The following CTNNA2 variants were observed in gnomAD, a reference collection of about 807,000 sequenced individuals.
CTNNA2 encodes catenin alpha-2.
Under a neutral mutation model 101.0 loss-of-function variants are expected in CTNNA2, and 42 were observed. The ratio of observed to expected loss-of-function variants is 0.42; its 90% CI spans 0.32 to 0.54. The LOEUF (loss-of-function observed/expected upper bound fraction) is 0.54, where lower values mean the gene tolerates loss of function less well. Ranked by LOEUF, CTNNA2 falls within the 20% of genes least tolerant of loss-of-function variation. The pLI is 0.14. For synonymous variants in CTNNA2, 450 were observed against 456.4 expected, an observed-to-expected ratio of 0.99 and a Z score of 0.18; for missense variants, 871 against 1,223.1, an observed-to-expected ratio of 0.71 and a Z score of 4.29.
chr2:80,570,827 C>T (rs140606628), intron 12 of CTNNA2, among the ~76,000 whole-genome samples: 8 of 152,232 alleles, frequency 5.3e-5, no homozygotes, highest in African/African-American at 1.9e-4. Context: ...ATACCAAAAT[C>T]CTACCATCCA....
chr2:79,951,959 T>A (rs966381958), intron 7 of CTNNA2, among the ~76,000 whole-genome samples: 9 of 152,152 alleles, frequency 5.9e-5, no homozygotes, highest in African/African-American at 2.2e-4. Context: ...GTACCATGGC[T>A]GCTCATTTCA....
intron 7 of CTNNA2, among the ~76,000 whole-genome samples, chr2:80,310,920 C>T (rs1200306744): frequency 1.4e-5 from 2 of 147,108 alleles, no homozygotes; most frequent in Non-Finnish European, 3.0e-5. Context: ...TTGCAGTGAT[C>T]TGAGATCGCG....
At chr2:79,624,108 A>G (rs1213542086) in intron 1 of CTNNA2, among the ~76,000 whole-genome samples, 3 of 151,770 alleles carry the variant, frequency 2.0e-5, no homozygotes, top group Non-Finnish European at 4.4e-5. Context: ...GAACTTCCCC[A>G]TTTTCTTTTT....
At chr2:80,096,351 G>A (rs922257432) in intron 7 of CTNNA2, among the ~76,000 whole-genome samples, 1 of 152,200 alleles carries the variant, frequency 6.6e-6, no homozygotes, top group Non-Finnish European at 1.5e-5. Flanking sequence ...TAGTTTGATT[G>A]CACTGTGGTC....
intron 3 of CTNNA2, among the ~76,000 whole-genome samples, chr2:79,782,219 C>T (rs1347557699): frequency 6.6e-6 from 1 of 151,948 alleles, no homozygotes; most frequent in Non-Finnish European, 1.5e-5. Context: ...AGCACTATTG[C>T]TTGCCTTCTT....
At chr2:79,690,888 G>A (rs1168466389) in intron 2 of CTNNA2, among the ~76,000 whole-genome samples, 2 of 151,972 alleles carry the variant, frequency 1.3e-5, no homozygotes, top group Non-Finnish European at 2.9e-5. Context: ...GTTGCATTAG[G>A]TGGTGAGAAT....
chr2:80,522,607 A>AG (rs1573121214), intron 9 of CTNNA2, among the ~76,000 whole-genome samples: 1 of 152,154 alleles, frequency 6.6e-6, no homozygotes, highest in East Asian at 1.9e-4. Context: ...CCAGTGTTGA[A>AG]GAAGGGGCCT....
At chr2:80,559,890 A>G (rs1296717357) in intron 12 of CTNNA2, among the ~76,000 whole-genome samples, 2 of 138,012 alleles carry the variant, frequency 1.4e-5, no homozygotes, top group Admixed American at 7.0e-5. Flanking sequence ...ATATATATAT[A>G]TACACACACA....
At chr2:79,799,065 C>A (rs899733302) in intron 3 of CTNNA2, among the ~76,000 whole-genome samples, 1 of 152,134 alleles carries the variant, frequency 6.6e-6, no homozygotes. Flanking sequence ...CCCAGATTTG[C>A]AATCCAGGAC....
At chr2:80,083,242 C>T (rs1353866296) in intron 7 of CTNNA2, among the ~76,000 whole-genome samples, 2 of 152,140 alleles carry the variant, frequency 1.3e-5, no homozygotes, top group African/African-American at 4.8e-5. Flanking sequence ...CAAATAGCCA[C>T]TGGGAATTTT....
chr2:80,087,137 C>G (rs1699492911), intron 7 of CTNNA2, among the ~76,000 whole-genome samples: 1 of 151,970 alleles, frequency 6.6e-6, no homozygotes, highest in Non-Finnish European at 1.5e-5. Context: ...GCAGGCTGAA[C>G]AGTGGGAAGG....
chr2:79,528,929 G>A (rs1672577702), intron 1 of CTNNA2, among the ~76,000 whole-genome samples: 3 of 152,060 alleles, frequency 2.0e-5, no homozygotes, highest in Non-Finnish European at 2.9e-5. Context: ...AGTGCGGCCC[G>A]TAAACAAACT....
At chr2:80,334,667 C>G (rs1197930293) in intron 7 of CTNNA2, among the ~76,000 whole-genome samples, 1 of 152,162 alleles carries the variant, frequency 6.6e-6, no homozygotes, top group Non-Finnish European at 1.5e-5. Flanking sequence ...CCTTCTTTAC[C>G]TATCAGTTTT....
chr2:79,460,808 G>T (rs1301098400), intron 4 of CTNNA2, among the ~76,000 whole-genome samples: 1 of 147,196 alleles, frequency 6.8e-6, no homozygotes, highest in Admixed American at 6.7e-5. Flanking sequence ...TTCCCTTCAT[G>T]CCCTTCTTTG....
At chr2:80,014,101 T>C (rs998387224) in intron 7 of CTNNA2, among the ~76,000 whole-genome samples, 1 of 152,206 alleles carries the variant, frequency 6.6e-6, no homozygotes, top group African/African-American at 2.4e-5. Context: ...ATCTACAAAA[T>C]TGCTAAGTAG....
At chr2:79,499,240 T>C (rs1037127265) in intron 4 of CTNNA2, 1 of 152,050 alleles carries the variant, frequency 6.6e-6, no homozygotes, top group Non-Finnish European at 1.5e-5. Flanking sequence ...CAGAGCACAA[T>C]AGCTGCAAGT....
At chr2:79,203,254 C>A (rs1281364562) in intron 2 of CTNNA2, among the ~76,000 whole-genome samples, 1 of 152,164 alleles carries the variant, frequency 6.6e-6, no homozygotes, top group Non-Finnish European at 1.5e-5. Flanking sequence ...TTAAATCTCA[C>A]TCCAGTTATT....
intron 7 of CTNNA2, among the ~76,000 whole-genome samples, chr2:80,227,195 G>A (rs1243742066): frequency 6.6e-6 from 1 of 152,140 alleles, no homozygotes; most frequent in Non-Finnish European, 1.5e-5. Flanking sequence ...TTTTGCCACT[G>A]TGGATGAATT....
rs1677377555 is a variant in CTNNA2, at chr2:79,351,135, A to C, written c.-317-22696A>C. Among the ~76,000 whole-genome samples the C allele has an allele frequency of 2.0e-5, 3 of 152,256 alleles. No homozygotes were observed. In the South Asian group the frequency reaches 6.2e-4, roughly 32 times the overall value. On this transcript the variant is annotated intron_variant, in intron 3 of 21. Transcript: ENST00000466387. ...CTGTGCAAAAGGTTTTTTAGTTTAG[A>C]TAAGTCCCATTTGTCTATTTTTGTT...
Sources: gnomAD v4.1 joint callset for allele counts (sites outside exome capture counted in the v4.1 genomes callset) on GRCh38, gnomAD v4.1.1 for gene constraint, MANE v1.5 for transcripts, NCBI Gene and HGNC (gene_info 2026-07-23, HGNC 2026-07-21) for gene names.